The following LRRTM4 variants were observed in gnomAD, a reference collection of about 807,000 sequenced individuals.
LRRTM4 encodes the protein leucine-rich repeat transmembrane neuronal protein 4.
In LRRTM4, 25 loss-of-function variants were observed where a neutral mutation model predicts 47.6. The observed-to-expected ratio is 0.53, with a 90% CI of 0.38 to 0.73. LRRTM4 has a LOEUF of 0.73. Among genes scored for constraint, LRRTM4 ranks in the 30% least tolerant of loss-of-function variants. LRRTM4 has a pLI of 0.00. For synonymous variants in LRRTM4, 311 were observed against 269.5 expected (o/e 1.15, Z -1.51); for missense variants, 638 against 713.4 (o/e 0.89, Z 1.20).
chr2:77,338,872 G>A (rs1283357374), intron 3 of LRRTM4, among the ~76,000 whole-genome samples: 4 of 152,030 alleles, frequency 2.6e-5, no homozygotes, highest in African/African-American at 7.2e-5. Context: ...ATGGTGGACT[G>A]GATGAAGAAA....
At chr2:77,219,916 G>C (rs1674570186) in intron 3 of LRRTM4, among the ~76,000 whole-genome samples, 1 of 152,238 alleles carries the variant, frequency 6.6e-6, no homozygotes, top group South Asian at 2.1e-4. Flanking sequence ...TCCTCAAGTG[G>C]GTCCCTGACC....
chr2:77,446,827 C>T (rs1351463154), intron 3 of LRRTM4, among the ~76,000 whole-genome samples: 4 of 152,066 alleles, frequency 2.6e-5, no homozygotes, highest in African/African-American at 9.7e-5. Flanking sequence ...TTACCCTCTA[C>T]TAGTATAAGA....
intron 3 of LRRTM4, among the ~76,000 whole-genome samples, chr2:76,808,385 G>A (rs554229261): frequency 6.6e-6 from 1 of 150,708 alleles, no homozygotes; most frequent in South Asian, 2.1e-4. Flanking sequence ...TTCATTCATT[G>A]CTTTTTCACA....
chr2:76,984,770 T>C (rs1676735463), intron 3 of LRRTM4, among the ~76,000 whole-genome samples: 2 of 152,064 alleles, frequency 1.3e-5, no homozygotes. Context: ...AAACTCCTAC[T>C]TGTTTAAGCT....
chr2:76,853,449 C>T (rs1016039084), intron 3 of LRRTM4, among the ~76,000 whole-genome samples: 9 of 152,042 alleles, frequency 5.9e-5, no homozygotes, highest in Non-Finnish European at 1.2e-4. Context: ...TGCTTTCTTG[C>T]TGACTTCTTT....
chr2:77,505,573 C>T (rs1427566943), intron 3 of LRRTM4, among the ~76,000 whole-genome samples: 3 of 151,262 alleles, frequency 2.0e-5, no homozygotes, highest in African/African-American at 7.3e-5. Context: ...AAGATTTCCT[C>T]TTAATATGTA....
intron 3 of LRRTM4, among the ~76,000 whole-genome samples, chr2:77,233,431 G>A (rs1573115329): frequency 6.6e-6 from 1 of 152,014 alleles, no homozygotes; most frequent in South Asian, 2.1e-4. Flanking sequence ...ACATTTCTCA[G>A]TTAATTTTTT....
chr2:77,187,887 T>C (rs1673555118), intron 3 of LRRTM4, among the ~76,000 whole-genome samples: 1 of 152,106 alleles, frequency 6.6e-6, no homozygotes, highest in Non-Finnish European at 1.5e-5. Flanking sequence ...TAATAATGGA[T>C]ACTTCCTATG....
intron 3 of LRRTM4, among the ~76,000 whole-genome samples, chr2:77,089,026 C>G (rs982620544): frequency 6.6e-6 from 1 of 152,092 alleles, no homozygotes; most frequent in African/African-American, 2.4e-5. Flanking sequence ...GCAGCCTTCC[C>G]TTGGTGTTTA....
At chr2:77,103,052 G>C (rs1670999293) in intron 3 of LRRTM4, among the ~76,000 whole-genome samples, 1 of 152,018 alleles carries the variant, frequency 6.6e-6, no homozygotes, top group Non-Finnish European at 1.5e-5. Flanking sequence ...CATTTATATT[G>C]AACAAAGTTG....
intron 3 of LRRTM4, among the ~76,000 whole-genome samples, chr2:77,090,804 G>T (rs1169248131): frequency 6.6e-6 from 1 of 152,272 alleles, no homozygotes; most frequent in East Asian, 1.9e-4. Context: ...CTGGCCCAAG[G>T]CTCTCTGACT....
At chr2:77,135,238 A>T (rs895883798) in intron 3 of LRRTM4, among the ~76,000 whole-genome samples, 6 of 152,052 alleles carry the variant, frequency 3.9e-5, no homozygotes, top group Non-Finnish European at 8.8e-5. Context: ...GCATTAAATG[A>T]CTCCAGAGGG....
At chr2:77,372,926 A>T (rs1031262961) in intron 3 of LRRTM4, among the ~76,000 whole-genome samples, 2 of 148,554 alleles carry the variant, frequency 1.3e-5, no homozygotes, top group Non-Finnish European at 3.0e-5. Context: ...TTGCTCACAG[A>T]AACAAACTTA....
intron 3 of LRRTM4, among the ~76,000 whole-genome samples, chr2:76,795,050 G>T (rs976197814): frequency 2.0e-5 from 3 of 152,132 alleles, no homozygotes; most frequent in African/African-American, 7.2e-5. Flanking sequence ...CTGTATGGCA[G>T]ATAGTAAGCT....
intron 3 of LRRTM4, among the ~76,000 whole-genome samples, chr2:77,154,559 A>G (rs1195817456): frequency 2.0e-5 from 3 of 152,190 alleles, no homozygotes; most frequent in Non-Finnish European, 2.9e-5. Context: ...ATAGATAGTA[A>G]TTTTCCAAAA....
intron 3 of LRRTM4, among the ~76,000 whole-genome samples, chr2:77,372,774 T>C (rs1672697091): frequency 6.6e-6 from 1 of 151,650 alleles, no homozygotes; most frequent in Non-Finnish European, 1.5e-5. Flanking sequence ...TCATATTAAA[T>C]AACTGTGTGT....
intron 3 of LRRTM4, among the ~76,000 whole-genome samples, chr2:77,330,614 T>G (rs1178610480): frequency 6.6e-6 from 1 of 152,148 alleles, no homozygotes; most frequent in Non-Finnish European, 1.5e-5. Context: ...ATAATCTGAG[T>G]TCTATTTTAT....
At chr2:77,369,310 T>C (rs1252520137) in intron 3 of LRRTM4, among the ~76,000 whole-genome samples, 1 of 151,696 alleles carries the variant, frequency 6.6e-6, no homozygotes. Flanking sequence ...ATTTATTTAT[T>C]TTTGCTTTTG....
chr2:76,753,329 T>A (rs920160520), intron 3 of LRRTM4, among the ~76,000 whole-genome samples: 2 of 152,148 alleles, frequency 1.3e-5, no homozygotes, highest in African/African-American at 2.4e-5. Flanking sequence ...ATAGTCACAC[T>A]CTGGTTTTAC....
Sources: gnomAD v4.1 joint callset for allele counts (sites outside exome capture counted in the v4.1 genomes callset) on GRCh38, gnomAD v4.1.1 for gene constraint, MANE v1.5 for transcripts, NCBI Gene and HGNC (gene_info 2026-07-23, HGNC 2026-07-21) for gene names.